Variants in EPHA6 observed in about 807,000 individuals in gnomAD.
EPHA6 encodes ephrin type-A receptor 6.
EPHA6 carries 50 observed loss-of-function variants against 112.0 expected under a neutral mutation model. The observed-to-expected ratio is 0.45, with a 90% CI of 0.36 to 0.56. The LOEUF (loss-of-function observed/expected upper bound fraction) is 0.56, where lower values mean the gene tolerates loss of function less well. EPHA6 is among the 20% of genes least tolerant of loss of function. The pLI is 0.00. For synonymous variants in EPHA6, 529 were observed against 490.7 expected (o/e 1.08, Z -1.03); for missense variants, 1,280 against 1,417.4 (o/e 0.90, Z 1.56).
chr3:97,690,802 T>C (rs1351514064), intron 14 of EPHA6, among the ~76,000 whole-genome samples: 1 of 152,192 alleles, frequency 6.6e-6, no homozygotes, highest in East Asian at 1.9e-4. Flanking sequence ...TTTGTCTTTT[T>C]ATGACTGAGT....
intron 3 of EPHA6, among the ~76,000 whole-genome samples, chr3:97,031,561 A>G (rs915954130): frequency 3.3e-4 from 50 of 152,296 alleles, no homozygotes; most frequent in African/African-American, 1.2e-3. Flanking sequence ...ACAAAGGGCT[A>G]ATACCCAGAA....
chr3:97,037,070 G>A (rs747220386), intron 3 of EPHA6, among the ~76,000 whole-genome samples: 35 of 151,886 alleles, frequency 2.3e-4, no homozygotes, highest in Non-Finnish European at 4.1e-4. Flanking sequence ...TAAAACTACC[G>A]TTGACTTAAA....
chr3:97,506,292 C>T (rs2092251202), intron 10 of EPHA6, among the ~76,000 whole-genome samples: 1 of 152,154 alleles, frequency 6.6e-6, no homozygotes. Context: ...CCTAGGTTTT[C>T]TTCTAGAGTT....
chr3:97,554,672 C>T (rs1160053984), intron 11 of EPHA6, among the ~76,000 whole-genome samples: 1 of 151,922 alleles, frequency 6.6e-6, no homozygotes, highest in African/African-American at 2.4e-5. Context: ...TCCCGTCCGC[C>T]CAACCTCCAG....
chr3:97,586,502 T>C (rs1312526948), intron 11 of EPHA6, among the ~76,000 whole-genome samples: 2 of 152,002 alleles, frequency 1.3e-5, no homozygotes, highest in Non-Finnish European at 2.9e-5. Context: ...TTACTTCTGT[T>C]AGTGAAGGAA....
chr3:97,745,991 T>C (rs1439517863), intron 16 of EPHA6, among the ~76,000 whole-genome samples: 1 of 151,896 alleles, frequency 6.6e-6, no homozygotes, highest in Non-Finnish European at 1.5e-5. Flanking sequence ...TGTAATCATT[T>C]GTGCTCGTAG....
intron 3 of EPHA6, among the ~76,000 whole-genome samples, chr3:97,089,079 G>A (rs1053949687): frequency 6.6e-6 from 1 of 152,104 alleles, no homozygotes; most frequent in Non-Finnish European, 1.5e-5. Flanking sequence ...ATAGGACAGA[G>A]AAAGCCAGGA....
At chr3:97,407,668 TA>T (rs1455649138) in intron 6 of EPHA6, among the ~76,000 whole-genome samples, 6 of 152,126 alleles carry the variant, frequency 3.9e-5, no homozygotes, top group Non-Finnish European at 7.4e-5. Flanking sequence ...ACAGCTTGAC[TA>T]TGAAAGGCAC....
In EPHA6 at chr3:97,021,613, G is replaced by A. The variant is rs375872747; in HGVS notation, c.1114+33620G>A. ...GGCAAGGTTAGTTTCTGGTGGGGAT[G>A]CTCTTCCTTACTTGCAGAAGCCCAC... On this transcript the variant is annotated intron_variant, in intron 3 of 17. Coordinates refer to ENST00000389672, the MANE Select transcript of EPHA6 (RefSeq NM_001080448.3). Among the ~76,000 whole-genome samples the A allele has an allele frequency of 2.3e-4, 35 of 152,346 alleles. 1 individual carries two copies. The East Asian group carries it at 6.8e-3, about 29-fold the overall frequency.
chr3:97,209,512 G>T (rs916266604), intron 3 of EPHA6, among the ~76,000 whole-genome samples: 1 of 152,082 alleles, frequency 6.6e-6, no homozygotes, highest in Admixed American at 6.5e-5. Context: ...GACTTAAATA[G>T]AATAAATATA....
intron 3 of EPHA6, among the ~76,000 whole-genome samples, chr3:97,086,675 G>A (rs1034919550): frequency 2.0e-5 from 3 of 151,816 alleles, no homozygotes; most frequent in African/African-American, 4.8e-5. Context: ...ATATTTTATT[G>A]TTTAACATTT....
At chr3:97,359,290 A>G (rs564197508) in intron 5 of EPHA6, among the ~76,000 whole-genome samples, 100 of 151,944 alleles carry the variant, frequency 6.6e-4, no homozygotes, top group African/African-American at 2.3e-3. Context: ...CCATTGCCCT[A>G]TCTTCAAGTT....
intron 1 of EPHA6, among the ~76,000 whole-genome samples, chr3:96,828,473 A>G (rs72931350): frequency 0.013 from 2,022 of 152,234 alleles, 49 homozygotes; most frequent in African/African-American, 0.045. Flanking sequence ...GAGATGGAAA[A>G]GAAATCTTAA....
intron 3 of EPHA6, among the ~76,000 whole-genome samples, chr3:97,128,806 C>T (rs1319018650): frequency 3.3e-5 from 5 of 151,784 alleles, no homozygotes; most frequent in African/African-American, 7.3e-5. Context: ...AGGCCACTGC[C>T]GGTGCCTGAC....
In EPHA6 at chr3:97,441,918, A is replaced by G. The variant is rs527954633; in HGVS notation, c.1732-6650A>G. Among the ~76,000 whole-genome samples, 352 of 152,258 alleles carry G rather than the reference A, an allele frequency of 2.3e-3. 2 individuals carry two copies. The highest frequency in any genetic ancestry group is 3.5e-3 in the Non-Finnish European group (238 of 67,982). On this transcript the variant is annotated intron_variant, in intron 6 of 17. Transcript: ENST00000389672. ...TTATTTCATTCAACCTTTAGGAGAG[A>G]CATTTTCTACATATATTAAAAAACT...
intron 2 of EPHA6, among the ~76,000 whole-genome samples, chr3:96,884,756 C>T (rs1320080874): frequency 6.6e-6 from 1 of 152,078 alleles, no homozygotes; most frequent in Admixed American, 6.6e-5. Context: ...AGTTCCAGTA[C>T]TATGTTGAAG....
intron 14 of EPHA6, among the ~76,000 whole-genome samples, chr3:97,682,867 G>A (rs1215722753): frequency 6.6e-6 from 1 of 152,032 alleles, no homozygotes; most frequent in African/African-American, 2.4e-5. Context: ...TCATTCTCCC[G>A]TATTAGACTA....
intron 3 of EPHA6, among the ~76,000 whole-genome samples, chr3:97,026,418 A>G (rs912528490): frequency 6.6e-6 from 1 of 152,044 alleles, no homozygotes; most frequent in Non-Finnish European, 1.5e-5. Context: ...TGTTTGTGTC[A>G]TCTCTTATTT....
intron 2 of EPHA6, among the ~76,000 whole-genome samples, chr3:96,890,469 T>C (rs991669385): frequency 2.0e-5 from 3 of 152,344 alleles, no homozygotes; most frequent in East Asian, 1.9e-4. Context: ...TTGATAGATA[T>C]GTTATTTAAA....
Sources: gnomAD v4.1 joint callset for allele counts (sites outside exome capture counted in the v4.1 genomes callset) on GRCh38, gnomAD v4.1.1 for gene constraint, MANE v1.5 for transcripts, NCBI Gene and HGNC (gene_info 2026-07-23, HGNC 2026-07-21) for gene names.